SLC39A6: variants seen among roughly 807,000 people sequenced by gnomAD.
SLC39A6 encodes zinc transporter ZIP6.
A neutral mutation model predicts 63.5 loss-of-function variants in SLC39A6; 51 were observed. The ratio of observed to expected loss-of-function variants is 0.80; its 90% confidence interval spans 0.64 to 1.01. SLC39A6 has a LOEUF of 1.01. Among genes scored for constraint, SLC39A6 ranks in the 50% least tolerant of loss-of-function variants. The pLI is 0.00. For missense variants in SLC39A6, 805 were observed against 927.8 expected, an observed-to-expected ratio of 0.87 and a Z score of 1.72; for synonymous variants, 318 against 324.7, an observed-to-expected ratio of 0.98 and a Z score of 0.22.
intron 3 of SLC39A6, among the ~76,000 whole-genome samples, chr18:36,124,034 A>G (rs1350516642): frequency 6.6e-6 from 1 of 151,888 alleles, no homozygotes; most frequent in Non-Finnish European, 1.5e-5. Context: ...TTTTTTTAAG[A>G]AAAAAGGAAA....
At chr18:36,127,777 A>AG (rs2089451949) in intron 1 of SLC39A6, among the ~76,000 whole-genome samples, 1 of 129,800 alleles carries the variant, frequency 7.7e-6, no homozygotes, top group African/African-American at 2.6e-5. Context: ...TTTTTTTTAA[A>AG]GTTTTTTTTT....
At chr18:36,125,841 T>C (rs574579126) in intron 2 of SLC39A6, among the ~76,000 whole-genome samples, 2 of 152,240 alleles carry the variant, frequency 1.3e-5, no homozygotes, top group Non-Finnish European at 2.9e-5. Context: ...CAGTCACACC[T>C]TTCCCTACAA....
chr18:36,125,483 T>A (rs2144512171), intron 2 of SLC39A6, among the ~76,000 whole-genome samples: 1 of 152,314 alleles, frequency 6.6e-6, no homozygotes, highest in South Asian at 2.1e-4. Flanking sequence ...TCACCAGGGC[T>A]GCTATGGCTA....
Position 36,126,371 on chromosome 18 carries a change from G to A in SLC39A6, c.637C>T (p.Leu213Phe), listed in dbSNP as rs2089437194. 1.2e-6 allele frequency: 2 copies of A among 1,614,138 alleles called. No homozygotes were observed. Among genetic ancestry groups the A allele is most frequent in the Non-Finnish European group, 1.7e-6 (2 of 1,180,058 alleles). Residue 213 changes from leucine to phenylalanine, a missense_variant, in exon 2 of 10, where the codon CTC (leucine) becomes TTC (phenylalanine). Physicochemically the swap from Leu to Phe is conservative, Grantham distance 22 (BLOSUM62 0). Coordinates refer to ENST00000269187, the MANE Select transcript of SLC39A6 (RefSeq NM_012319.4). ...ETIETPRPGK[L>F]FPKDVSSSTP... is the part of the protein sequence containing the mutation. ...GAGCTGCTTACATCTTTGGGGAAGA[G>A]TTTTCCAGGTCTTGGAGTCTCTATT...
At chr18:36,121,119 C>T (rs186993775) in intron 5 of SLC39A6, among the ~76,000 whole-genome samples, 4 of 151,452 alleles carry the variant, frequency 2.6e-5, no homozygotes, top group Admixed American at 2.6e-4. Flanking sequence ...TTAGGTTAGA[C>T]TAAAATGTTG....
chr18:36,114,265 G>A lies in SLC39A6; in HGVS notation c.1675C>T (p.His559Tyr). ...GQSDDLIHHH[H>Y]DYHHILHHHH... ...TGATGGAGAATATGATGGTAGTCAT[G>A]ATGGTGGTGAATGAGATCGTCTGAC... Residue 559 changes from histidine to tyrosine, a missense_variant, in exon 7 of 10, where the codon CAT becomes TAT. Coordinates refer to ENST00000269187, the MANE Select transcript of SLC39A6 (RefSeq NM_012319.4). 1.2e-6 allele frequency: 2 copies of A among 1,614,198 alleles called. No individual in the cohort carries two copies. The highest frequency in any genetic ancestry group is 1.7e-6 in the Non-Finnish European group (2 of 1,180,028).
chr18:36,126,822 G>T lies in SLC39A6; in HGVS notation c.186C>A (p.Tyr62Ter). The change falls in exon 2 of 10, where the codon TAC becomes TAA. Residue 62 changes from tyrosine (Y) to a stop codon, truncating the protein, a stop_gained. Transcript: ENST00000269187. LOFTEE classifies it high-confidence loss of function. ...ACAAAGAATTATTTTCTCCATAGCG[G>T]TAGAAAAGCTGTTGTAGATGATATT... ...TRQYHLQQLF[Y>*]RYGENNSLSV... 1 of 1,614,148 alleles carries T rather than the reference G, an allele frequency of 6.2e-7. No individual in the cohort carries two copies. The highest frequency in any genetic ancestry group is 8.5e-7 in the Non-Finnish European group (1 of 1,180,028).
intron 3 of SLC39A6, 111 bp from the exon 4 acceptor site, chr18:36,123,775 AAC>A (rs2089413289): frequency 9.3e-7 from 1 of 1,072,614 alleles, no homozygotes; most frequent in Admixed American, 2.7e-5. Flanking sequence ...AGAAGCTAAA[AAC>A]ACACAAATTC....
intron 6 of SLC39A6, 71 bp downstream of exon 6, chr18:36,116,603 T>G (rs898364481): frequency 1.7e-5 from 18 of 1,033,100 alleles, no homozygotes; most frequent in Admixed American, 2.0e-5. Flanking sequence ...TTCTTCCAGA[T>G]AGTCAAGTTG....
In SLC39A6 at chr18:36,126,284, C is replaced by T. The variant is rs773345870; in HGVS notation, c.724G>A (p.Glu242Lys). 2 of 1,614,092 alleles carry T rather than the reference C, an allele frequency of 1.2e-6. No individual in the cohort carries two copies. Among genetic ancestry groups the T allele is most frequent in the Non-Finnish European group, 1.7e-6 (2 of 1,180,044 alleles). Residue 242 changes from glutamate to lysine, a missense_variant, in exon 2 of 10, where the codon GAA (glutamate) becomes AAA (lysine). By Grantham distance (56) the Glu-to-Lys change is moderately conservative. Coordinates refer to ENST00000269187, the MANE Select transcript of SLC39A6 (RefSeq NM_012319.4). The part of the protein sequence containing the change: ...VSRLAGRKTN[E>K]SVSEPRKGFM... ...CCTTTTCGGGGCTCACTCACAGATTCATTTGTTTTCCTACCAGCCAGCCGG... is the reference window on the plus strand; with the variant it reads ...CCTTTTCGGGGCTCACTCACAGATTTATTTGTTTTCCTACCAGCCAGCCGG...
At chr18:36,128,510 A>G (rs2089470717) in intron 1 of SLC39A6, among the ~76,000 whole-genome samples, 1 of 152,242 alleles carries the variant, frequency 6.6e-6, no homozygotes, top group African/African-American at 2.4e-5. Flanking sequence ...TACGGCGTAG[A>G]ACGAGGCTCC....
In SLC39A6 at chr18:36,126,920, G is replaced by T. The variant is rs527463304; in HGVS notation, c.88C>A (p.Pro30Thr). Residue 30 changes from proline (P) to threonine (T), a missense_variant, in exon 2 of 10, where the codon CCC becomes ACC. Physicochemically the swap from Pro to Thr is conservative, Grantham distance 38. Coordinates refer to ENST00000269187, the MANE Select transcript of SLC39A6 (RefSeq NM_012319.4). ...GGACTAATTTTCTCAGTGGTCTGGG[G>T]GAAAGCAGCTGCTTTTAGTTCATGA... is the stretch of plus-strand genomic sequence containing the variant. ...PLHELKAAAF[P>T]QTTEKISPNW... 3 of 1,614,122 alleles carry T rather than the reference G, an allele frequency of 1.9e-6. No individual in the cohort carries two copies. The African/African-American group carries it at 4.0e-5, about 22-fold the overall frequency.
intron 5 of SLC39A6, among the ~76,000 whole-genome samples, chr18:36,117,294 T>A (rs2089353982): frequency 6.6e-6 from 1 of 152,168 alleles, no homozygotes; most frequent in Non-Finnish European, 1.5e-5. Flanking sequence ...AGTGATCTGG[T>A]AACCACCTGC....
At chr18:36,123,726 G>A (rs1486816270) in intron 3 of SLC39A6, 62 bp from the exon 4 acceptor site, 10 of 1,481,186 alleles carry the variant, frequency 6.8e-6, no homozygotes, top group Non-Finnish European at 9.1e-6. Flanking sequence ...CTACAAGAAA[G>A]ACTTTTGGAG....
At chr18:36,116,611 T>G (rs141014911) in intron 6 of SLC39A6, 63 bp downstream of exon 6, 13 of 1,130,588 alleles carry the variant, frequency 1.1e-5, no homozygotes, top group Non-Finnish European at 1.7e-5. Context: ...GATAGTCAAG[T>G]TGCCTGCAAA....
chr18:36,119,332 T>C (rs1432340440), intron 5 of SLC39A6, among the ~76,000 whole-genome samples: 5 of 152,202 alleles, frequency 3.3e-5, no homozygotes, highest in Non-Finnish European at 7.3e-5. Flanking sequence ...CTAGAAATTA[T>C]GCTTATTTGC....
At chr18:36,126,136 A>T in intron 2 of SLC39A6, 83 bp downstream of exon 2, 1 of 1,306,262 alleles carries the variant, frequency 7.7e-7, no homozygotes, top group Non-Finnish European at 1.1e-6. Flanking sequence ...CTTTTACTTT[A>T]AACTCCTCAT....
chr18:36,120,671 G>C (rs779135865), intron 5 of SLC39A6, among the ~76,000 whole-genome samples: 1 of 151,958 alleles, frequency 6.6e-6, no homozygotes, highest in Non-Finnish European at 1.5e-5. Flanking sequence ...TCTTTTTTGG[G>C]GGGTAGAGAC....
At chr18:36,110,942 A>T (rs2089294965) in intron 9 of SLC39A6, 117 bp downstream of exon 9, 6 of 1,470,220 alleles carry the variant, frequency 4.1e-6, no homozygotes, top group Non-Finnish European at 3.6e-6. Flanking sequence ...CCTGGACGAC[A>T]TAGCAAGATT....
Sources: gnomAD v4.1 joint callset for allele counts (sites outside exome capture counted in the v4.1 genomes callset) on GRCh38, gnomAD v4.1.1 for gene constraint, MANE v1.5 for transcripts, NCBI Gene and HGNC (gene_info 2026-07-23, HGNC 2026-07-21) for gene names.